Variants in RPH3A observed in about 807,000 individuals in gnomAD.
RPH3A encodes rabphilin 3A, also known as rabphilin-3A.
Under a neutral mutation model 102.2 loss-of-function variants are expected in RPH3A, and 48 were observed. That is an observed-to-expected ratio of 0.47 (90% CI 0.37 to 0.60). The LOEUF (loss-of-function observed/expected upper bound fraction) is 0.60. Among genes scored for constraint, RPH3A ranks in the 20% least tolerant of loss-of-function variants. The probability of loss-of-function intolerance (pLI) is 0.00; values close to 1 mark genes in which losing one functional copy is unlikely to be tolerated. For synonymous variants in RPH3A, 310 were observed against 324.3 expected, an observed-to-expected ratio of 0.96 and a Z score of 0.47; for missense variants, 781 against 910.1, an observed-to-expected ratio of 0.86 and a Z score of 1.83.
chr12:112,859,839 T>C (rs558148092), intron 5 of RPH3A, among the ~76,000 whole-genome samples: 1 of 152,330 alleles, frequency 6.6e-6, no homozygotes, highest in East Asian at 1.9e-4. Flanking sequence ...CTGATCTAAA[T>C]AGACCATACA....
chr12:112,577,464 A>G (rs1426292595), intron 1 of RPH3A, among the ~76,000 whole-genome samples: 1 of 152,236 alleles, frequency 6.6e-6, no homozygotes, highest in Non-Finnish European at 1.5e-5. Flanking sequence ...GAGGATGATC[A>G]GAGGTCACTT....
intron 5 of RPH3A, among the ~76,000 whole-genome samples, chr12:112,857,213 A>G (rs928441062): frequency 1.3e-5 from 2 of 152,146 alleles, no homozygotes; most frequent in African/African-American, 4.8e-5. Context: ...TGTTCTGCAG[A>G]GGAGAGCTAA....
In RPH3A at chr12:112,865,548, C is replaced by A; in HGVS notation, c.360+5C>A. 1 of 1,612,700 alleles carries A rather than the reference C, an allele frequency of 6.2e-7. No individual in the cohort carries two copies. Among genetic ancestry groups the A allele is most frequent in the South Asian group, 1.1e-5 (1 of 90,904 alleles). ...GTATGTGAGGACTGTAAGAAGGTAT[C>A]ATCATCCTCTTCTCCCTTCTTCCCT... On this transcript the variant is annotated splice_donor_5th_base_variant and intron_variant, in intron 6 of 21. Transcript: ENST00000389385.
intron 1 of RPH3A, among the ~76,000 whole-genome samples, chr12:112,696,612 T>A (rs1416960874): frequency 1.3e-5 from 2 of 152,150 alleles, no homozygotes; most frequent in South Asian, 2.1e-4. Flanking sequence ...TTCCTTTTGA[T>A]GTGAATACAG....
At chr12:112,715,635 C>T (rs75174019) in intron 1 of RPH3A, among the ~76,000 whole-genome samples, 2,010 of 152,276 alleles carry the variant, frequency 0.013, 39 homozygotes, top group South Asian at 0.063. Context: ...AGATTTTTCT[C>T]TTCCCAACTA....
chr12:112,847,823 A>T lies in RPH3A; in HGVS notation c.211A>T (p.Met71Leu), dbSNP rs376863444. The change falls in exon 5 of 22, where the codon ATG (methionine) becomes TTG (leucine). Residue 71 changes from methionine (M) to leucine (L), a missense_variant. Transcript: ENST00000389385. The part of the protein sequence containing the change: ...VIARAEKMEE[M>L]EQERIGRLVD... ...TGCTCGAGCTGAGAAAATGGAAGAG[A>T]TGGAGCAGGAGCGAATCGGGTGAGG... is the stretch of plus-strand genomic sequence containing the variant. 3 of 1,614,052 alleles carry T rather than the reference A, an allele frequency of 1.9e-6. No homozygotes were observed. The highest frequency in any genetic ancestry group is 1.3e-5 in the African/African-American group (1 of 74,936).
At chr12:112,869,323 AACTTATCAAGGC>A (rs2042664896) in intron 8 of RPH3A, 1 of 164,216 alleles carries the variant, frequency 6.1e-6, no homozygotes, top group Non-Finnish European at 1.3e-5. Flanking sequence ...TTCATAAGAT[AACTTATCAAGGC>A]ACTTAGCACA....
chr12:112,672,577 G>T (rs2040141252), intron 1 of RPH3A, among the ~76,000 whole-genome samples: 1 of 152,132 alleles, frequency 6.6e-6, no homozygotes, highest in African/African-American at 2.4e-5. Flanking sequence ...ACAGCTGCAG[G>T]TGCCTTGGTG....
At chr12:112,781,264 A>C (rs558745177) in intron 1 of RPH3A, among the ~76,000 whole-genome samples, 1 of 152,360 alleles carries the variant, frequency 6.6e-6, no homozygotes, top group Non-Finnish European at 1.5e-5. Context: ...TTGGAAAACC[A>C]ACAGGCATTT....
intron 1 of RPH3A, among the ~76,000 whole-genome samples, chr12:112,615,375 C>T (rs76136395): frequency 6.6e-6 from 1 of 152,178 alleles, no homozygotes; most frequent in African/African-American, 2.4e-5. Context: ...CCCACACGCA[C>T]TGCCAGCCCT....
chr12:112,606,611 C>A (rs115033819), intron 1 of RPH3A, among the ~76,000 whole-genome samples: 1 of 152,054 alleles, frequency 6.6e-6, no homozygotes, highest in African/African-American at 2.4e-5. Context: ...GAACTCCTGA[C>A]CTCAAGTGGA....
At chr12:112,592,517 C>T (rs944571715) in intron 1 of RPH3A, among the ~76,000 whole-genome samples, 1 of 152,166 alleles carries the variant, frequency 6.6e-6, no homozygotes, top group African/African-American at 2.4e-5. Context: ...TGGGGTTTCA[C>T]CATGTCAGCC....
chr12:112,805,646 T>C (rs189274068), intron 2 of RPH3A, among the ~76,000 whole-genome samples: 21 of 152,216 alleles, frequency 1.4e-4, no homozygotes, highest in Non-Finnish European at 2.8e-4. Context: ...ACTGAAGAAA[T>C]AATATTCCTA....
chr12:112,590,346 T>A (rs766782386), intron 1 of RPH3A, among the ~76,000 whole-genome samples: 2 of 152,220 alleles, frequency 1.3e-5, no homozygotes, highest in Non-Finnish European at 2.9e-5. Context: ...ACCACCCTGC[T>A]GAATGAGGGT....
At chr12:112,844,425 A>T (rs2042197618) in intron 4 of RPH3A, among the ~76,000 whole-genome samples, 1 of 152,192 alleles carries the variant, frequency 6.6e-6, no homozygotes, top group African/African-American at 2.4e-5. Flanking sequence ...ATACAGCTGC[A>T]AGCAAATTAA....
At chr12:112,883,032 T>C (rs2042942389) in intron 15 of RPH3A, among the ~76,000 whole-genome samples, 1 of 152,148 alleles carries the variant, frequency 6.6e-6, no homozygotes, top group African/African-American at 2.4e-5. Flanking sequence ...TGTCTCTGCT[T>C]TCTTAAGGGA....
At chr12:112,773,769 C>T (rs917070575) in intron 1 of RPH3A, among the ~76,000 whole-genome samples, 4 of 151,960 alleles carry the variant, frequency 2.6e-5, no homozygotes, top group Admixed American at 1.3e-4. Context: ...AATCAAGTAA[C>T]AAGAATGCTT....
At chr12:112,881,324 C>A (rs2042905346) in intron 14 of RPH3A, among the ~76,000 whole-genome samples, 1 of 152,186 alleles carries the variant, frequency 6.6e-6, no homozygotes, top group Admixed American at 6.5e-5. Context: ...GGGTCAGGGC[C>A]AGAATGCAGG....
rs757546615 is a variant in RPH3A, at chr12:112,678,232, C to CGAAAGAAAGAAAGAAAGAAAGAAA, written c.-140+102964_-140+102987dup. Among the ~76,000 whole-genome samples the CGAAAGAAAGAAAGAAAGAAAGAAA allele has an allele frequency of 8.0e-5, 6 of 74,730 alleles. No individual in the cohort carries two copies. In the East Asian group the frequency reaches 1.3e-3, roughly 16 times the overall value. 49.0% of individuals were successfully genotyped at this position (74,730 alleles called of 152,430 possible). A position where few individuals can be genotyped will look rare whatever the true frequency, so the allele number is the denominator to read the frequency against. ...CCTGGGCAACAGAGCAAGACCCTGT[C>CGAAAGAAAGAAAGAAAGAAAGAAA]GAAAGAAAGAAAGAAAGAAAGAAAG... On this transcript the variant is annotated intron_variant, in intron 1 of 21. Coordinates refer to the RPH3A transcript ENST00000543106.
Sources: allele counts gnomAD v4.1 joint callset (sites outside exome capture counted in the v4.1 genomes callset), GRCh38; gene constraint gnomAD v4.1.1; transcripts MANE v1.5; gene names NCBI Gene and HGNC (gene_info 2026-07-23, HGNC 2026-07-21).